Variants in ATM observed in about 807,000 individuals in gnomAD.
ATM encodes the protein ATM serine/threonine kinase.
ATM carries 308 observed loss-of-function variants against 387.0 expected under a neutral mutation model. That is an observed-to-expected ratio of 0.80 (90% CI 0.73 to 0.87). The LOEUF is 0.87. Ranked by LOEUF, ATM falls within the 40% of genes least tolerant of loss-of-function variation. The pLI is 0.00. For missense variants in ATM, 3,312 were observed against 3,560.9 expected, an observed-to-expected ratio of 0.93 and a Z score of 1.78; for synonymous variants, 1,156 against 1,187.3, an observed-to-expected ratio of 0.97 and a Z score of 0.54.
At chr11:108,323,114 T>G (rs1003153306) in intron 45 of ATM, among the ~76,000 whole-genome samples, 9 of 152,078 alleles carry the variant, frequency 5.9e-5, no homozygotes, top group African/African-American at 2.2e-4. Flanking sequence ...AAAATAAAAT[T>G]TGGAATATGT....
chr11:108,226,974 T>C (rs1487260934), intron 1 of ATM: 1 of 152,268 alleles, frequency 6.6e-6, no homozygotes, highest in African/African-American at 2.4e-5. Flanking sequence ...TCAATTTAAA[T>C]GTCATGTTTC....
chr11:108,365,044 T>C lies in ATM; in HGVS notation c.8851-38T>C, dbSNP rs2137863292. 3.7e-6 allele frequency: 6 copies of C among 1,605,124 alleles called. No individual in the cohort carries two copies. In the South Asian group the frequency reaches 6.6e-5, roughly 18 times the overall value. ...TGTTTCTAAGTATGTGATTAAAATGTACATTGTTCTTTTAATACATATGTT... is the reference window on the plus strand; with the variant it reads ...TGTTTCTAAGTATGTGATTAAAATGCACATTGTTCTTTTAATACATATGTT... On this transcript the variant is annotated intron_variant, in intron 61 of 62. Coordinates refer to ENST00000675843, the MANE Select transcript of ATM (RefSeq NM_000051.4).
intron 10 of ATM, 121 bp downstream of exon 10, chr11:108,251,193 C>A: frequency 6.9e-7 from 1 of 1,445,406 alleles, no homozygotes; most frequent in African/African-American, 1.4e-5. Context: ...AATTCTATTT[C>A]AGATGCTTTT....
chr11:108,359,663 C>T (rs1326809048), intron 61 of ATM, among the ~76,000 whole-genome samples: 2 of 152,162 alleles, frequency 1.3e-5, no homozygotes, highest in African/African-American at 2.4e-5. Flanking sequence ...CGCTCAACTA[C>T]ATGGAAACCA....
At chr11:108,281,225 A>G (rs2135671552) in intron 24 of ATM, 57 bp downstream of exon 24, 1 of 1,569,010 alleles carries the variant, frequency 6.4e-7, no homozygotes, top group South Asian at 1.1e-5. Flanking sequence ...GAAATAATTT[A>G]AAAAGTTAAA....
At position 108,365,462 on chromosome 11, in the gene ATM, C is replaced by A. The variant is rs2137925225; in HGVS notation, c.9125C>A (p.Pro3042His). 6.2e-7 allele frequency: 1 copy of A among 1,614,122 alleles called. No homozygotes were observed. Among genetic ancestry groups the A allele is most frequent in the Non-Finnish European group, 8.5e-7 (1 of 1,180,018 alleles). Residue 3042 changes from proline to histidine, a missense_variant, in exon 63 of 63, where the codon CCC becomes CAC. Pro to His is a moderately conservative substitution (Grantham distance 77, BLOSUM62 -2). Coordinates refer to ENST00000675843, the MANE Select transcript of ATM (RefSeq NM_000051.4). ...VNLLIQQAID[P>H]KNLSRLFPGW... ...TTGCTCATACAGCAGGCCATAGACC[C>A]CAAAAATCTCAGCCGACTTTTCCCA...
intron 38 of ATM, chr11:108,308,451 G>A (rs1166579019): frequency 5.3e-6 from 1 of 190,174 alleles, no homozygotes; most frequent in Non-Finnish European, 1.1e-5. Flanking sequence ...ACTGTGCTGT[G>A]ACAATGTTTA....
chr11:108,260,415 T>C (rs1323370201), intron 16 of ATM, among the ~76,000 whole-genome samples: 3 of 152,204 alleles, frequency 2.0e-5, no homozygotes, highest in Non-Finnish European at 4.4e-5. Context: ...GTACAGATTA[T>C]TGTACTTTTG....
intron 9 of ATM, 116 bp from the exon 10 acceptor site, chr11:108,250,585 G>A (rs1052552238): frequency 1.7e-6 from 2 of 1,158,138 alleles, no homozygotes; most frequent in African/African-American, 1.6e-5. Flanking sequence ...GAGTACTATG[G>A]AAATGATGGT....
chr11:108,327,700 G>A lies in ATM; in HGVS notation c.7031G>A (p.Trp2344Ter), dbSNP rs1479487529. 1 of 1,613,978 alleles carries A rather than the reference G, an allele frequency of 6.2e-7. No homozygotes were observed. The highest frequency in any genetic ancestry group is 1.1e-5 in the South Asian group (1 of 91,074). Reference protein sequence around the residue: ...YTECLRVCGNWLAETCLENPA... With the variant: ...YTECLRVCGN ...GAATGTCTGAGGGTTTGTGGCAACT[G>A]GTTAGCAGAAACGTGCTTAGAAAAT... Residue 2344 changes from tryptophan (W) to a stop codon, truncating the protein, a stop_gained, in exon 48 of 63, where the codon TGG becomes TAG. Transcript: ENST00000675843. LOFTEE classifies it high-confidence loss of function.
chr11:108,309,347 T>C (rs978086709), intron 38 of ATM, among the ~76,000 whole-genome samples: 11 of 152,208 alleles, frequency 7.2e-5, no homozygotes, highest in African/African-American at 2.7e-4. Flanking sequence ...TTAACTTTAG[T>C]TGAGTGCTTG....
At chr11:108,340,889 T>A (rs2087476061) in intron 56 of ATM, among the ~76,000 whole-genome samples, 1 of 152,232 alleles carries the variant, frequency 6.6e-6, no homozygotes, top group Non-Finnish European at 1.5e-5. Context: ...ATAGTTGTAC[T>A]GTATTGGTTT....
At chr11:108,253,588 C>A (rs556342170) in intron 12 of ATM, among the ~76,000 whole-genome samples, 4 of 152,044 alleles carry the variant, frequency 2.6e-5, no homozygotes, top group African/African-American at 9.6e-5. Context: ...TGTATTTTTT[C>A]TCTATCTATT....
Position 108,244,633 on chromosome 11 carries a change from AT to A in ATM, c.663-144del, listed in dbSNP as rs11298747. ...TTTGTCAGTGTGAAGTAATGCTGTGATTTTTTTTTTTAATGAATAGTTTTGA... is the reference window on the plus strand; with the variant it reads ...TTTGTCAGTGTGAAGTAATGCTGTGATTTTTTTTTTAATGAATAGTTTTGA... On this transcript the variant is annotated intron_variant, in intron 6 of 62. Transcript: ENST00000675843. Among the ~76,000 whole-genome samples, 147,667 of 150,806 alleles carry A rather than the reference AT, an allele frequency of 0.98. 72,310 individuals carry two copies. Among genetic ancestry groups the A allele is most frequent in the East Asian group, 1 (5,122 of 5,146 alleles).
At chr11:108,326,921 G>A (rs2085736773) in intron 47 of ATM, among the ~76,000 whole-genome samples, 1 of 152,160 alleles carries the variant, frequency 6.6e-6, no homozygotes, top group Non-Finnish European at 1.5e-5. Context: ...CACCTCCCTG[G>A]TTCAAGCAAT....
chr11:108,274,804 A>T lies in ATM; in HGVS notation c.3284+1952A>T, dbSNP rs901077067. Among the ~76,000 whole-genome samples the T allele has an allele frequency of 1.3e-5, 2 of 152,172 alleles. 1 individual carries two copies. Among genetic ancestry groups the T allele is most frequent in the South Asian group, 4.1e-4 (2 of 4,832 alleles). ...TTTCAATTATGTGGTCAGTTTTAGA[A>T]TAAGTGTGATGTGGTGCTGAGAAGA... On this transcript the variant is annotated intron_variant, in intron 22 of 62. Transcript: ENST00000675843.
rs2091406347 is a variant in ATM, at chr11:108,367,673, T to G, written c.*2165T>G. The G allele has an allele frequency of 1.4e-5, 3 of 214,126 alleles. No individual in the cohort carries two copies. Among genetic ancestry groups the G allele is most frequent in the Admixed American group, 5.8e-5 (1 of 17,136 alleles). 13.3% of individuals were successfully genotyped at this position (214,126 alleles called of 1,614,324 possible). A position where few individuals can be genotyped will look rare whatever the true frequency, so the allele number is the denominator to read the frequency against. ...CTTATGAAGAGTTGGCATTTCTTTT[T>G]ATTGCCAATGGCAGGCACTCATTCA... On this transcript the variant is annotated 3_prime_UTR_variant, in exon 63 of 63. Coordinates refer to ENST00000675843, the MANE Select transcript of ATM (RefSeq NM_000051.4).
At chr11:108,269,234 G>T (rs1168507016) in intron 18 of ATM, among the ~76,000 whole-genome samples, 1 of 152,152 alleles carries the variant, frequency 6.6e-6, no homozygotes, top group Non-Finnish European at 1.5e-5. Flanking sequence ...GCATTTAGGT[G>T]TGTAGTCTGT....
chr11:108,294,641 G>A (rs562302920), intron 31 of ATM, among the ~76,000 whole-genome samples: 3 of 152,336 alleles, frequency 2.0e-5, no homozygotes, highest in African/African-American at 7.2e-5. Flanking sequence ...TCAGGAGGCT[G>A]AGACATTAGA....
Sources: allele counts gnomAD v4.1 joint callset (sites outside exome capture counted in the v4.1 genomes callset), GRCh38; gene constraint gnomAD v4.1.1; transcripts MANE v1.5; gene names NCBI Gene and HGNC (gene_info 2026-07-23, HGNC 2026-07-21).